The following FOCAD variants were observed in gnomAD, a reference collection of about 807,000 sequenced individuals.
FOCAD encodes KIAA1797.
In FOCAD, 198 loss-of-function variants were observed where a neutral mutation model predicts 225.6. That is an observed-to-expected ratio of 0.88 (90% CI 0.78 to 0.99). FOCAD has a LOEUF of 0.99. Among genes scored for constraint, FOCAD ranks in the 50% least tolerant of loss-of-function variants. The pLI is 0.00. For missense variants in FOCAD, 2,713 were observed against 2,123.6 expected (o/e 1.28, Z -5.46); for synonymous variants, 897 against 755.0 (o/e 1.19, Z -3.08).
chr9:20,820,025 T>A, intron 12 of FOCAD, 125 bp downstream of exon 12: 1 of 554,784 alleles, frequency 1.8e-6, no homozygotes, highest in South Asian at 2.7e-5. Context: ...CTTGTTGAGC[T>A]AGGAGGTAAT....
chr9:20,989,079 T>C (rs1196908728), intron 41 of FOCAD, among the ~76,000 whole-genome samples: 1 of 152,196 alleles, frequency 6.6e-6, no homozygotes, highest in African/African-American at 2.4e-5. Flanking sequence ...TTCATTGTGT[T>C]GACTTAGCTG....
chr9:20,805,137 T>A (rs1012066595), intron 11 of FOCAD, among the ~76,000 whole-genome samples: 36 of 152,342 alleles, frequency 2.4e-4, no homozygotes, highest in Non-Finnish European at 4.4e-4. Context: ...TTAAGGTACA[T>A]GAAGTGAAAA....
chr9:20,795,589 T>C (rs931314892), intron 11 of FOCAD, among the ~76,000 whole-genome samples: 2 of 151,942 alleles, frequency 1.3e-5, no homozygotes, highest in African/African-American at 4.8e-5. Context: ...ATTGAGACCA[T>C]CCTGGCTACA....
upstream of FOCAD, among the ~76,000 whole-genome samples, chr9:20,682,387 G>C (rs1822425819): frequency 6.6e-6 from 1 of 152,190 alleles, no homozygotes; most frequent in African/African-American, 2.4e-5. Context: ...AGGGTGCTTG[G>C]ATTCAAGTTT....
chr9:20,663,526 A>G (rs779856930), intron 2 of FOCAD, among the ~76,000 whole-genome samples: 22 of 151,230 alleles, frequency 1.5e-4, no homozygotes, highest in Non-Finnish European at 1.3e-4. Context: ...GTTTATGACT[A>G]TGTTTGCAAT....
Position 20,804,319 on chromosome 9 carries a change from G to A in FOCAD, c.1455+14711G>A, listed in dbSNP as rs568367423. Among the ~76,000 whole-genome samples the A allele has an allele frequency of 2.6e-5, 4 of 152,094 alleles. No individual in the cohort carries two copies. The South Asian group carries it at 8.3e-4, about 32-fold the overall frequency. ...CATGTTTTTCCCCTTTGAGACAACA[G>A]TGGAATTTCACTAGCTTGATAGAGA... is the stretch of plus-strand genomic sequence containing the variant. On this transcript the variant is annotated intron_variant, in intron 11 of 43. Coordinates refer to ENST00000338382, the MANE Select transcript of FOCAD (RefSeq NM_001375567.1).
chr9:20,824,948 A>G (rs537778062), intron 15 of FOCAD, among the ~76,000 whole-genome samples: 39 of 152,208 alleles, frequency 2.6e-4, no homozygotes, highest in African/African-American at 8.9e-4. Context: ...AGTTTTCTTT[A>G]TAGATATTAC....
In FOCAD at chr9:20,685,161, A is replaced by C. The variant is rs190740862; in HGVS notation, c.-33+868A>C. On this transcript the variant is annotated intron_variant, in intron 1 of 43. Coordinates refer to ENST00000338382, the MANE Select transcript of FOCAD (RefSeq NM_001375567.1). ...CATTTCCTGCGTTTTATTCCAGTTT[A>C]TATGTTAGTTTTATTGTCTAGATTT... 7.5e-5 allele frequency among the ~76,000 whole-genome samples: 11 copies of C among 146,976 alleles called. No homozygotes were observed. In the South Asian group the frequency reaches 1.1e-3, roughly 14 times the overall value.
intron 35 of FOCAD, 22 bp downstream of exon 35, chr9:20,953,087 A>G (rs1367105481): frequency 6.3e-7 from 1 of 1,575,076 alleles, no homozygotes; most frequent in Non-Finnish European, 8.7e-7. Flanking sequence ...CATTTCTTGA[A>G]TTTTATCATT....
chr9:20,940,850 T>A (rs1836581697), intron 28 of FOCAD, among the ~76,000 whole-genome samples: 1 of 152,178 alleles, frequency 6.6e-6, no homozygotes, highest in African/African-American at 2.4e-5. Flanking sequence ...TTTTCTTTCT[T>A]ACATAACACA....
chr9:20,936,899 T>C (rs1836032917), intron 28 of FOCAD, among the ~76,000 whole-genome samples: 1 of 152,178 alleles, frequency 6.6e-6, no homozygotes, highest in South Asian at 2.1e-4. Flanking sequence ...ACAAAATCAA[T>C]GTGCAAAAAT....
At chr9:20,906,833 G>C (rs1466831758) in intron 21 of FOCAD, among the ~76,000 whole-genome samples, 1 of 152,042 alleles carries the variant, frequency 6.6e-6, no homozygotes, top group Non-Finnish European at 1.5e-5. Flanking sequence ...ATTGGCAAGA[G>C]GCCTTACAGA....
chr9:20,794,141 T>C (rs1217425587), intron 11 of FOCAD, among the ~76,000 whole-genome samples: 3 of 152,182 alleles, frequency 2.0e-5, no homozygotes, highest in African/African-American at 7.2e-5. Flanking sequence ...CAGTTAAGGC[T>C]CACCAGACTT....
Position 20,874,764 on chromosome 9 carries a change from C to A in FOCAD, c.2274C>A (p.Cys758Ter). The A allele has an allele frequency of 6.2e-7, 1 of 1,613,686 alleles. No individual in the cohort carries two copies. Among genetic ancestry groups the A allele is most frequent in the African/African-American group, 1.3e-5 (1 of 75,006 alleles). Residue 758 changes from cysteine to a stop codon, truncating the protein, a stop_gained, in exon 19 of 44, where the codon TGC becomes TGA. Transcript: ENST00000338382. LOFTEE classifies it high-confidence loss of function. ...EDVDLSVPGS[C>*]YLKLLSLTPP... ...TGGATCTTTCAGTTCCTGGCTCTTG[C>A]TATCTCAAACTGTTGTCACTCACTC... is the stretch of plus-strand genomic sequence containing the variant.
At chr9:20,812,111 A>G (rs1410057745) in intron 11 of FOCAD, among the ~76,000 whole-genome samples, 4 of 152,074 alleles carry the variant, frequency 2.6e-5, no homozygotes, top group African/African-American at 7.2e-5. Flanking sequence ...GTGAACTAAG[A>G]ATACACTTTT....
intron 11 of FOCAD, among the ~76,000 whole-genome samples, chr9:20,806,737 G>T (rs942998136): frequency 6.6e-6 from 1 of 152,050 alleles, no homozygotes. Flanking sequence ...TAGATTATTA[G>T]CTATTAGGTT....
intron 28 of FOCAD, 29 bp from the exon 29 acceptor site, chr9:20,944,598 C>G (rs1364298674): frequency 6.2e-7 from 1 of 1,603,624 alleles, no homozygotes; most frequent in South Asian, 1.1e-5. Context: ...TCTTATGATC[C>G]TAACATCTTA....
At chr9:20,867,867 T>G (rs1829425160) in intron 18 of FOCAD, among the ~76,000 whole-genome samples, 1 of 152,088 alleles carries the variant, frequency 6.6e-6, no homozygotes, top group South Asian at 2.1e-4. Flanking sequence ...TTTGCCTTTT[T>G]CTTCTGGATT....
chr9:20,832,781 A>C (rs1742532202), intron 15 of FOCAD, among the ~76,000 whole-genome samples: 1 of 152,062 alleles, frequency 6.6e-6, no homozygotes, highest in South Asian at 2.1e-4. Flanking sequence ...GGCAAATGAC[A>C]GGACCTCCAT....
Sources: allele counts gnomAD v4.1 joint callset (sites outside exome capture counted in the v4.1 genomes callset), GRCh38; gene constraint gnomAD v4.1.1; transcripts MANE v1.5; gene names NCBI Gene and HGNC (gene_info 2026-07-23, HGNC 2026-07-21).